The following HS3ST3A1 variants were observed in gnomAD, a reference collection of about 807,000 sequenced individuals.
HS3ST3A1 encodes heparan sulfate-glucosamine 3-sulfotransferase 3A1.
HS3ST3A1 carries 19 observed loss-of-function variants against 25.7 expected under a neutral mutation model. The observed-to-expected ratio is 0.74, with a 90% CI of 0.52 to 1.08. The LOEUF is 1.08. Among genes scored for constraint, HS3ST3A1 ranks in the 50% least tolerant of loss-of-function variants. HS3ST3A1 has a pLI of 0.00. For missense variants in HS3ST3A1, 459 were observed against 594.3 expected (o/e 0.77, Z 2.37); for synonymous variants, 226 against 278.6 (o/e 0.81, Z 1.88).
intron 1 of HS3ST3A1, among the ~76,000 whole-genome samples, chr17:13,578,255 CA>C (rs1221069395): frequency 6.6e-6 from 1 of 151,886 alleles, no homozygotes; most frequent in Non-Finnish European, 1.5e-5. Flanking sequence ...TTTTAAAAGT[CA>C]GGGTTTCCAG....
chr17:13,537,451 G>T (rs527627826), intron 1 of HS3ST3A1, among the ~76,000 whole-genome samples: 1 of 152,118 alleles, frequency 6.6e-6, no homozygotes, highest in South Asian at 2.1e-4. Context: ...TCCGGGGGCC[G>T]CCTCCCTCTT....
intron 1 of HS3ST3A1, among the ~76,000 whole-genome samples, chr17:13,512,464 G>A (rs951361797): frequency 2.0e-5 from 3 of 152,152 alleles, no homozygotes; most frequent in Non-Finnish European, 2.9e-5. Context: ...TCCTTTTGAC[G>A]AGATGAAAGT....
At chr17:13,554,868 G>A (rs57715091) in intron 1 of HS3ST3A1, among the ~76,000 whole-genome samples, 2,481 of 152,058 alleles carry the variant, frequency 0.016, 64 homozygotes, top group African/African-American at 0.057. Flanking sequence ...ACTAAACGAT[G>A]GTAATATCCC....
rs902438230 is a variant in HS3ST3A1, at chr17:13,596,241, GTGT to G, written c.599+4287_599+4289del. 7.2e-5 allele frequency among the ~76,000 whole-genome samples: 11 copies of G among 152,204 alleles called. No individual in the cohort carries two copies. The East Asian group carries it at 1.9e-3, about 27-fold the overall frequency. On this transcript the variant is annotated intron_variant, in intron 1 of 1. Coordinates refer to ENST00000284110, the MANE Select transcript of HS3ST3A1 (RefSeq NM_006042.3). ...GTCCAAGCTCTACCAAGTGTTTTTG[GTGT>G]TGTTTAATGCCCGGACTATGATCTC...
intron 1 of HS3ST3A1, among the ~76,000 whole-genome samples, chr17:13,553,397 A>G (rs9797140): frequency 0.44 from 66,612 of 152,018 alleles, 15,663 homozygotes; most frequent in Middle Eastern, 0.53. Context: ...GGTTTAAGCC[A>G]GAAGCCATCA....
At chr17:13,571,174 G>C (rs1193023667) in intron 1 of HS3ST3A1, among the ~76,000 whole-genome samples, 1 of 152,134 alleles carries the variant, frequency 6.6e-6, no homozygotes, top group Non-Finnish European at 1.5e-5. Flanking sequence ...TCAGTGTATG[G>C]CCTGTCTAGA....
intron 1 of HS3ST3A1, among the ~76,000 whole-genome samples, chr17:13,549,611 C>T (rs1981630): frequency 0.44 from 66,222 of 151,928 alleles, 15,949 homozygotes; most frequent in African/African-American, 0.65. Context: ...ACTAAGTCCA[C>T]TCATCCTCTT....
At chr17:13,581,861 T>C (rs574278263) in intron 1 of HS3ST3A1, among the ~76,000 whole-genome samples, 1 of 152,354 alleles carries the variant, frequency 6.6e-6, no homozygotes, top group African/African-American at 2.4e-5. Context: ...CAAGGTACTT[T>C]ATATTTAGAT....
intron 1 of HS3ST3A1, among the ~76,000 whole-genome samples, chr17:13,600,243 A>G (rs1474845895): frequency 6.6e-6 from 1 of 152,096 alleles, no homozygotes; most frequent in Non-Finnish European, 1.5e-5. Context: ...AGTTAAATAC[A>G]TGAATACTTT....
At chr17:13,565,588 C>T (rs1485424304) in intron 1 of HS3ST3A1, among the ~76,000 whole-genome samples, 5 of 152,288 alleles carry the variant, frequency 3.3e-5, no homozygotes, top group Non-Finnish European at 4.4e-5. Context: ...CTGCCCTCCA[C>T]TTCACCTTTC....
At chr17:13,499,486 T>C (rs565513708) in intron 1 of HS3ST3A1, among the ~76,000 whole-genome samples, 1 of 152,320 alleles carries the variant, frequency 6.6e-6, no homozygotes, top group East Asian at 1.9e-4. Flanking sequence ...CTTTCTCTTT[T>C]TTTCTATATA....
chr17:13,494,830 C>A lies in HS3ST3A1; in HGVS notation c.*1367G>T, dbSNP rs142299014. 1.3e-5 allele frequency among the ~76,000 whole-genome samples: 2 copies of A among 151,856 alleles called. No homozygotes were observed. Among genetic ancestry groups the A allele is most frequent in the Non-Finnish European group, 1.5e-5 (1 of 68,008 alleles). On this transcript the variant is annotated 3_prime_UTR_variant, in exon 2 of 2. Transcript: ENST00000284110. Reference sequence around the variant, plus strand: ...TAAATGGGGGATGGGCAGAAACAGACGAGAGAAGAGGAAAAGCCACCATTT... The same window carrying A: ...TAAATGGGGGATGGGCAGAAACAGAAGAGAGAAGAGGAAAAGCCACCATTT...
intron 1 of HS3ST3A1, among the ~76,000 whole-genome samples, chr17:13,599,516 CT>C (rs1334138113): frequency 2.0e-5 from 3 of 151,904 alleles, no homozygotes; most frequent in Non-Finnish European, 4.4e-5. Context: ...GAGAATGCAT[CT>C]TTTATGAACA....
At chr17:13,504,890 A>C (rs1905608160) in intron 1 of HS3ST3A1, among the ~76,000 whole-genome samples, 1 of 152,224 alleles carries the variant, frequency 6.6e-6, no homozygotes. Flanking sequence ...CTATGAGCAC[A>C]GTGGTGTGCA....
At chr17:13,524,665 T>A (rs1906354654) in intron 1 of HS3ST3A1, among the ~76,000 whole-genome samples, 1 of 152,202 alleles carries the variant, frequency 6.6e-6, no homozygotes, top group Non-Finnish European at 1.5e-5. Flanking sequence ...AATTTCTACG[T>A]GTTCTATGGA....
chr17:13,515,477 T>TTTG (rs1006021870), intron 1 of HS3ST3A1, among the ~76,000 whole-genome samples: 5 of 147,336 alleles, frequency 3.4e-5, no homozygotes, highest in African/African-American at 9.9e-5. Flanking sequence ...TTCAGTTTTT[T>TTTG]TTTTTTTTTT....
intron 1 of HS3ST3A1, among the ~76,000 whole-genome samples, chr17:13,576,217 C>T (rs1288783246): frequency 6.6e-6 from 1 of 152,238 alleles, no homozygotes; most frequent in African/African-American, 2.4e-5. Flanking sequence ...TGCCCAGAGT[C>T]AGGAATGCTG....
At chr17:13,573,766 C>T (rs1382402611) in intron 1 of HS3ST3A1, among the ~76,000 whole-genome samples, 3 of 152,142 alleles carry the variant, frequency 2.0e-5, no homozygotes, top group African/African-American at 7.2e-5. Context: ...TGTGATGGTA[C>T]GAGGAGCTGG....
intron 1 of HS3ST3A1, among the ~76,000 whole-genome samples, chr17:13,565,311 G>A (rs1219844911): frequency 6.6e-6 from 1 of 152,064 alleles, no homozygotes; most frequent in East Asian, 1.9e-4. Flanking sequence ...GCCAAGGCAG[G>A]CAGATCACCC....
Sources: gnomAD v4.1 joint callset for allele counts (sites outside exome capture counted in the v4.1 genomes callset) on GRCh38, gnomAD v4.1.1 for gene constraint, MANE v1.5 for transcripts, NCBI Gene and HGNC (gene_info 2026-07-23, HGNC 2026-07-21) for gene names.